EDC3: variants seen among roughly 807,000 people sequenced by gnomAD.
EDC3 encodes the protein enhancer of mRNA decapping 3, also known as enhancer of mRNA-decapping protein 3.
Under a neutral mutation model 41.8 loss-of-function variants are expected in EDC3, and 20 were observed. The observed-to-expected ratio is 0.48, with a 90% CI of 0.34 to 0.70. The LOEUF is 0.70. Among genes scored for constraint, EDC3 ranks in the 30% least tolerant of loss-of-function variants. The probability of loss-of-function intolerance (pLI) is 0.01; values close to 1 mark genes in which losing one functional copy is unlikely to be tolerated. For synonymous variants in EDC3, 206 were observed against 243.2 expected (o/e 0.85, Z 1.42); for missense variants, 444 against 636.8 (o/e 0.70, Z 3.26).
At chr15:74,679,508 T>A (rs1216574665) in intron 1 of EDC3, among the ~76,000 whole-genome samples, 2 of 152,004 alleles carry the variant, frequency 1.3e-5, no homozygotes, top group Non-Finnish European at 2.9e-5. Flanking sequence ...CATCAGTAAA[T>A]ACAGAAATAT....
chr15:74,685,598 T>A (rs2062927968), intron 1 of EDC3, among the ~76,000 whole-genome samples: 1 of 152,138 alleles, frequency 6.6e-6, no homozygotes, highest in Non-Finnish European at 1.5e-5. Flanking sequence ...ACCTACATGT[T>A]TATATCTAAA....
At chr15:74,640,371 A>T in intron 5 of EDC3, 95 bp downstream of exon 5, 2 of 1,381,070 alleles carry the variant, frequency 1.4e-6, no homozygotes, top group Non-Finnish European at 2.0e-6. Flanking sequence ...AAACTGCCTA[A>T]TGAACTCGTA....
At chr15:74,643,100 T>C (rs1406439568) in intron 4 of EDC3, 1 of 152,226 alleles carries the variant, frequency 6.6e-6, no homozygotes, top group African/African-American at 2.4e-5. Context: ...AAAATGTTCC[T>C]TTTAAACATT....
chr15:74,635,727 T>G, intron 5 of EDC3, 101 bp from the exon 6 acceptor site: 10 of 1,097,218 alleles, frequency 9.1e-6, no homozygotes, highest in Non-Finnish European at 1.2e-5. Context: ...CTCAGATCTC[T>G]TACCCACTGC....
At position 74,631,631 on chromosome 15, in the gene EDC3, A is replaced by C. The variant is rs1424137036; in HGVS notation, c.*981T>G. 6.5e-6 allele frequency: 1 copy of C among 152,778 alleles called. No individual in the cohort carries two copies. Among genetic ancestry groups the C allele is most frequent in the African/African-American group, 2.4e-5 (1 of 41,458 alleles). The allele number at this position is 152,778 out of a possible 1,614,324, so 9.5% of individuals were successfully genotyped here. A position where few individuals can be genotyped will look rare whatever the true frequency, so the allele number is the denominator to read the frequency against. On this transcript the variant is annotated 3_prime_UTR_variant, in exon 7 of 7. Coordinates refer to ENST00000315127, the MANE Select transcript of EDC3 (RefSeq NM_025083.5). Reference sequence around the variant, plus strand: ...GCCTGCTCTGGGATGACAGCTGCAAAGGACCGTTTCAGGGGAAGGGCAGAG... The same window carrying C: ...GCCTGCTCTGGGATGACAGCTGCAACGGACCGTTTCAGGGGAAGGGCAGAG...
At chr15:74,692,061 C>T (rs529040346) in intron 1 of EDC3, among the ~76,000 whole-genome samples, 8 of 152,050 alleles carry the variant, frequency 5.3e-5, no homozygotes, top group Non-Finnish European at 8.8e-5. Flanking sequence ...CCTCGTGATC[C>T]GCCTGCCTCA....
intron 4 of EDC3, among the ~76,000 whole-genome samples, chr15:74,651,602 A>G (rs569279918): frequency 5.3e-5 from 8 of 152,344 alleles, no homozygotes; most frequent in African/African-American, 1.9e-4. Flanking sequence ...ATCCCAAGCC[A>G]TCACCAAATG....
chr15:74,665,943 AC>A (rs2062672269), intron 3 of EDC3, among the ~76,000 whole-genome samples: 1 of 151,692 alleles, frequency 6.6e-6, no homozygotes, highest in Non-Finnish European at 1.5e-5. Context: ...CATTACAGGC[AC>A]CCACCACCAC....
chr15:74,669,618 C>T (rs1232479501), intron 3 of EDC3, among the ~76,000 whole-genome samples: 1 of 152,124 alleles, frequency 6.6e-6, no homozygotes, highest in Non-Finnish European at 1.5e-5. Context: ...CCACAAGCTA[C>T]TAATAGAATT....
At chr15:74,665,227 T>G (rs1250389227) in intron 3 of EDC3, among the ~76,000 whole-genome samples, 1 of 152,214 alleles carries the variant, frequency 6.6e-6, no homozygotes, top group African/African-American at 2.4e-5. Flanking sequence ...GGTTTCGTCA[T>G]GTTGGCCAGT....
intron 1 of EDC3, among the ~76,000 whole-genome samples, chr15:74,683,548 T>C (rs952699179): frequency 2.0e-5 from 3 of 152,016 alleles, no homozygotes; most frequent in African/African-American, 4.8e-5. Context: ...GGGACTCTTG[T>C]AGTAATGGAA....
intron 1 of EDC3, among the ~76,000 whole-genome samples, chr15:74,690,340 G>C (rs115804867): frequency 6.6e-6 from 1 of 152,274 alleles, no homozygotes; most frequent in Non-Finnish European, 1.5e-5. Context: ...ATTCTGATAA[G>C]CCTTTGGATA....
intron 1 of EDC3, among the ~76,000 whole-genome samples, chr15:74,677,339 C>T (rs901425187): frequency 2.8e-5 from 4 of 145,236 alleles, no homozygotes; most frequent in East Asian, 2.1e-4. Flanking sequence ...GGATTACAGG[C>T]GTGAGCCACC....
At chr15:74,652,993 A>G (rs913612175) in intron 4 of EDC3, among the ~76,000 whole-genome samples, 1 of 152,110 alleles carries the variant, frequency 6.6e-6, no homozygotes, top group Non-Finnish European at 1.5e-5. Flanking sequence ...CAGCCTGGCC[A>G]ACACGGTGAA....
At chr15:74,638,805 G>A (rs2062308646) in intron 5 of EDC3, 1 of 152,022 alleles carries the variant, frequency 6.6e-6, no homozygotes, top group Non-Finnish European at 1.5e-5. Context: ...TAGAAAACTT[G>A]AAGTTCACTG....
At position 74,655,872 on chromosome 15, in the gene EDC3, C is replaced by G. The variant is rs960566889; in HGVS notation, c.681G>C (p.Arg227Ser). Residue 227 changes from arginine (R) to serine (S), a missense_variant, in exon 4 of 7, where the codon AGG (arginine) becomes AGC (serine). This residue lies in a region of EDC3 where 242 missense variants were observed against 363.8 expected (regional missense o/e 0.67). Transcript: ENST00000315127. ...AVFEEIDTYERRSGTRSRGIP... is the reference protein window; with the variant it reads ...AVFEEIDTYESRSGTRSRGIP... ...TGCCCCGGGAACGGGTACCACTTCT[C>G]CTTTCATAGGTATCAATCTCCTCAA... 2 of 1,614,008 alleles carry G rather than the reference C, an allele frequency of 1.2e-6. No individual in the cohort carries two copies. Among genetic ancestry groups the G allele is most frequent in the African/African-American group, 2.7e-5 (2 of 74,902 alleles).
chr15:74,674,145 C>T (rs545100792), intron 2 of EDC3, among the ~76,000 whole-genome samples: 4 of 152,144 alleles, frequency 2.6e-5, no homozygotes, highest in Admixed American at 2.0e-4. Context: ...TGCTCTATTA[C>T]CCAGGCTGGA....
intron 3 of EDC3, among the ~76,000 whole-genome samples, chr15:74,662,697 G>C (rs2062634481): frequency 6.6e-6 from 1 of 152,160 alleles, no homozygotes; most frequent in African/African-American, 2.4e-5. Context: ...CTATTACAAT[G>C]ACTGATGAAA....
At chr15:74,694,698 T>C (rs1050381836) in intron 1 of EDC3, among the ~76,000 whole-genome samples, 3 of 151,958 alleles carry the variant, frequency 2.0e-5, no homozygotes, top group African/African-American at 7.3e-5. Context: ...GCATCTTCTG[T>C]AGAAAGGGTA....
Sources: gnomAD v4.1 joint callset for allele counts (sites outside exome capture counted in the v4.1 genomes callset) on GRCh38, gnomAD v4.1.1 for gene constraint, gnomAD v4.1.1 regional missense constraint, MANE v1.5 for transcripts, NCBI Gene and HGNC (gene_info 2026-07-23, HGNC 2026-07-21) for gene names.